PITPNM3: variants seen among roughly 807,000 people sequenced by gnomAD.
PITPNM3 encodes PITPNM family member 3.
In PITPNM3, 26 loss-of-function variants were observed where a neutral mutation model predicts 102.0. The ratio of observed to expected loss-of-function variants is 0.25; its 90% confidence interval spans 0.19 to 0.35. The LOEUF is 0.35. Ranked by LOEUF, PITPNM3 falls within the 10% of genes least tolerant of loss-of-function variation. The pLI, the probability that PITPNM3 is intolerant of heterozygous loss-of-function variation, is 1.00. For missense variants in PITPNM3, 1,083 were observed against 1,346.1 expected, an observed-to-expected ratio of 0.80 and a Z score of 3.06; for synonymous variants, 578 against 558.6, an observed-to-expected ratio of 1.03 and a Z score of -0.49.
rs1278597194 is a variant in PITPNM3, at chr17:6,470,046, C to T, written c.1773+214G>A. On this transcript the variant is annotated intron_variant, in intron 13 of 19. Coordinates refer to ENST00000262483, the MANE Select transcript of PITPNM3 (RefSeq NM_031220.4). This position sits in a 1 kb window ranked among gnomAD's most constrained non-coding sequence, Gnocchi z 4.8. ...ATTTAATTTTCTAGAGTGTACCATG[C>T]CGTCAGCCACCCAGGAGCCAATGTC... 6.6e-6 allele frequency among the ~76,000 whole-genome samples: 1 copy of T among 152,252 alleles called. No individual in the cohort carries two copies. Among genetic ancestry groups the T allele is most frequent in the Non-Finnish European group, 1.5e-5 (1 of 68,046 alleles).
In PITPNM3 at chr17:6,478,634, C is replaced by G. The variant is rs1162417787; in HGVS notation, c.690G>C (p.Gln230His). 6.2e-7 allele frequency: 1 copy of G among 1,614,026 alleles called. No individual in the cohort carries two copies. The highest frequency in any genetic ancestry group is 8.5e-7 in the Non-Finnish European group (1 of 1,179,998). The change falls in exon 7 of 20, where the codon CAG becomes CAC. Residue 230 changes from glutamine to histidine, a missense_variant. Coordinates refer to ENST00000262483, the MANE Select transcript of PITPNM3 (RefSeq NM_031220.4). The surrounding 1 kb of genome is among the most constrained non-coding windows in gnomAD (Gnocchi z 4.4). ...GCTCGATGACGGTGGCGACAGCATCCTGGTACTGCGGGGAGGAGATGGCCA... is the reference window on the plus strand; with the variant it reads ...GCTCGATGACGGTGGCGACAGCATCGTGGTACTGCGGGGAGGAGATGGCCA... ...PLLAISSPQYQDAVATVIERA... is the reference protein window; with the variant it reads ...PLLAISSPQYHDAVATVIERA...
intron 9 of PITPNM3, among the ~76,000 whole-genome samples, chr17:6,475,473 T>C (rs1161529658): frequency 3.3e-5 from 5 of 152,180 alleles, no homozygotes; most frequent in Non-Finnish European, 5.9e-5. Flanking sequence ...GAACAAACTT[T>C]AGAAAGAGCT....
At chr17:6,522,766 T>C (rs1158724698) in intron 3 of PITPNM3, among the ~76,000 whole-genome samples, 1 of 152,272 alleles carries the variant, frequency 6.6e-6, no homozygotes, top group Non-Finnish European at 1.5e-5. Flanking sequence ...TTCACGGATC[T>C]TCCTTTCCCC....
Position 6,556,269 on chromosome 17 carries a change from C to A in PITPNM3, c.22+116G>T. 1 of 876,322 alleles carries A rather than the reference C, an allele frequency of 1.1e-6. No individual in the cohort carries two copies. Among genetic ancestry groups the A allele is most frequent in the Non-Finnish European group, 1.6e-6 (1 of 642,250 alleles). The allele number at this position is 876,322 out of a possible 1,614,324, so 54.3% of individuals were successfully genotyped here. A position where few individuals can be genotyped will look rare whatever the true frequency, so the allele number is the denominator to read the frequency against. On this transcript the variant is annotated intron_variant, in intron 1 of 19. Coordinates refer to ENST00000262483, the MANE Select transcript of PITPNM3 (RefSeq NM_031220.4). This position sits in a 1 kb window ranked among gnomAD's most constrained non-coding sequence, Gnocchi z 5.2. ...CAGCCCCGCTACCGCCCCCTACGCC[C>A]TCCCGGGACCTCCGCCCACCTGCGC...
In PITPNM3 at chr17:6,457,016, C is replaced by T. The variant is rs1173092444; in HGVS notation, c.2619+578G>A. ...CTGAATCACACACCTGCTCATCCCA[C>T]ACCCTCTCAGAGTCCCCACACAGGC... is the stretch of plus-strand genomic sequence containing the variant. On this transcript the variant is annotated intron_variant, in intron 19 of 19. Transcript: ENST00000262483. The surrounding 1 kb of genome is among the most constrained non-coding windows in gnomAD (Gnocchi z 4.7). Among the ~76,000 whole-genome samples the T allele has an allele frequency of 1.3e-5, 2 of 152,190 alleles. No individual in the cohort carries two copies. Among genetic ancestry groups the T allele is most frequent in the Non-Finnish European group, 2.9e-5 (2 of 68,024 alleles).
In PITPNM3 at chr17:6,490,721, T is replaced by C. The variant is rs62062887; in HGVS notation, c.275-6429A>G. 7.0e-3 allele frequency among the ~76,000 whole-genome samples: 1,059 copies of C among 151,452 alleles called. 4 individuals are homozygous for C. The highest frequency in any genetic ancestry group is 0.013 in the Non-Finnish European group (875 of 67,874). ...CTATAATCCCAGTACTTTGGGAGGC[T>C]GAGGTGGGCAGATCAGTTGAGCTCA... On this transcript the variant is annotated intron_variant, in intron 4 of 19. Coordinates refer to ENST00000262483, the MANE Select transcript of PITPNM3 (RefSeq NM_031220.4).
chr17:6,496,130 T>C (rs1317935061), intron 4 of PITPNM3, among the ~76,000 whole-genome samples: 1 of 152,136 alleles, frequency 6.6e-6, no homozygotes. Flanking sequence ...TGATGCCTTC[T>C]TGGTTTCCTT....
In PITPNM3 at chr17:6,470,373, A is replaced by G. The variant is rs1905007467; in HGVS notation, c.1660T>C (p.Tyr554His). The change falls in exon 13 of 20, where the codon TAT becomes CAT. Residue 554 changes from tyrosine to histidine, a missense_variant. By Grantham distance (83) the Tyr-to-His change is moderately conservative (BLOSUM62 2). Around this residue, in one of 5 missense-constraint regions of PITPNM3, gnomAD observed 410 missense variants for 638.4 expected, o/e 0.64. Transcript: ENST00000262483. The surrounding 1 kb of genome is among the most constrained non-coding windows in gnomAD (Gnocchi z 4.8). ...AGGACATCAGGGCAGTACAGGGCAT[A>G]GTCGATCCTCTTGCTTCCCCACCAC... is the stretch of plus-strand genomic sequence containing the variant. ...AKWWGSKRIDYALYCPDVLTA... is the reference protein window; with the variant it reads ...AKWWGSKRIDHALYCPDVLTA... 1 of 1,614,194 alleles carries G rather than the reference A, an allele frequency of 6.2e-7. No homozygotes were observed. Among genetic ancestry groups the G allele is most frequent in the Non-Finnish European group, 8.5e-7 (1 of 1,180,026 alleles).
chr17:6,470,091 G>A lies in PITPNM3; in HGVS notation c.1773+169C>T, dbSNP rs1378761708. The stretch of plus-strand genomic sequence containing the variant: ...AATGTCTTTATGAAGCCCATTCTCT[G>A]GTCATGTCACTCCCCACTCACGTAG... On this transcript the variant is annotated intron_variant, in intron 13 of 19. Coordinates refer to ENST00000262483, the MANE Select transcript of PITPNM3 (RefSeq NM_031220.4). The surrounding 1 kb of genome is among the most constrained non-coding windows in gnomAD (Gnocchi z 4.8). 6.6e-6 allele frequency among the ~76,000 whole-genome samples: 1 copy of A among 152,176 alleles called. No homozygotes were observed. Among genetic ancestry groups the A allele is most frequent in the Non-Finnish European group, 1.5e-5 (1 of 68,034 alleles).
chr17:6,456,182 C>T (rs529529299), intron 19 of PITPNM3, among the ~76,000 whole-genome samples: 1 of 152,162 alleles, frequency 6.6e-6, no homozygotes, highest in South Asian at 2.1e-4. Context: ...TGCCACCATG[C>T]CCAGCTCATT....
chr17:6,457,309 G>T lies in PITPNM3; in HGVS notation c.2619+285C>A, dbSNP rs558595010. Among the ~76,000 whole-genome samples, 1 of 152,118 alleles carries T rather than the reference G, an allele frequency of 6.6e-6. No individual in the cohort carries two copies. Among genetic ancestry groups the T allele is most frequent in the Non-Finnish European group, 1.5e-5 (1 of 68,032 alleles). ...GGGCCCCACAGTTCCCTGTGCTCCC[G>T]TCATACATCATGGCACTTGTTACAC... On this transcript the variant is annotated intron_variant, in intron 19 of 19. Coordinates refer to ENST00000262483, the MANE Select transcript of PITPNM3 (RefSeq NM_031220.4). The surrounding 1 kb of genome is among the most constrained non-coding windows in gnomAD (Gnocchi z 4.7).
rs770182528 is a variant in PITPNM3, at chr17:6,478,121, G to A, written c.778-24C>T. 3.1e-6 allele frequency: 5 copies of A among 1,612,076 alleles called. No individual in the cohort carries two copies. The South Asian group carries it at 4.4e-5, about 14-fold the overall frequency. On this transcript the variant is annotated intron_variant, in intron 7 of 19. Transcript: ENST00000262483. The surrounding 1 kb of genome is among the most constrained non-coding windows in gnomAD (Gnocchi z 4.4). ...ACCTGGAAGAGATGCAGCTGGGACT[G>A]CAGGCCTGCCCACTGCTGACCCCTC...
rs751095976 is a variant in PITPNM3, at chr17:6,525,399, G to A, written c.183C>T (p.Leu61=). The A allele has an allele frequency of 6.8e-6, 11 of 1,614,180 alleles. No individual in the cohort carries two copies. The highest frequency in any genetic ancestry group is 3.3e-5 in the Admixed American group (2 of 60,024). ...IGMSQWNSND[L]VEQIETMGKL... is the part of the protein sequence containing the mutation. The stretch of plus-strand genomic sequence containing the variant: ...TCCCCATGGTCTCGATCTGCTCCAC[G>A]AGGTCATTGGAGTTCCACTGGCTCA... Residue 61 remains leucine (L), a synonymous_variant, in exon 3 of 20, where the codon CTC becomes CTT. Coordinates refer to ENST00000262483, the MANE Select transcript of PITPNM3 (RefSeq NM_031220.4).
rs922644713 is a variant in PITPNM3 at position 6,458,710 on chromosome 17, C to T, written c.2491-988G>A. Among the ~76,000 whole-genome samples the T allele has an allele frequency of 3.3e-5, 5 of 152,156 alleles. No individual in the cohort carries two copies. The highest frequency in any genetic ancestry group is 7.4e-5 in the Non-Finnish European group (5 of 68,026). ...ACCAGCCCTGCTGCCTCGCCCCTTCCTCATCCTGCCTGAGTGACCCATGGC... is the reference window on the plus strand; with the variant it reads ...ACCAGCCCTGCTGCCTCGCCCCTTCTTCATCCTGCCTGAGTGACCCATGGC... On this transcript the variant is annotated intron_variant, in intron 18 of 19. Transcript: ENST00000262483. The surrounding 1 kb of genome is among the most constrained non-coding windows in gnomAD (Gnocchi z 5.1).
intron 4 of PITPNM3, among the ~76,000 whole-genome samples, chr17:6,502,468 A>AG (rs1198530597): frequency 6.6e-6 from 1 of 152,140 alleles, no homozygotes; most frequent in Non-Finnish European, 1.5e-5. Flanking sequence ...GAAAAAAAAA[A>AG]GAGAAAGATT....
Position 6,458,174 on chromosome 17 carries a change from C to A in PITPNM3, c.2491-452G>T, listed in dbSNP as rs1914187221. Among the ~76,000 whole-genome samples, 1 of 152,088 alleles carries A rather than the reference C, an allele frequency of 6.6e-6. No homozygotes were observed. The highest frequency in any genetic ancestry group is 1.5e-5 in the Non-Finnish European group (1 of 68,006). ...ACTGGCTGGTGTGATGACCGCCCCC[C>A]TCCCCAACCCCAGAATCCCCAATTC... On this transcript the variant is annotated intron_variant, in intron 18 of 19. Transcript: ENST00000262483. This position sits in a 1 kb window ranked among gnomAD's most constrained non-coding sequence, Gnocchi z 5.1.
chr17:6,463,422 G>GGAGGCAGGGAGGGAAGGAGA (rs1904578988), intron 17 of PITPNM3, among the ~76,000 whole-genome samples: 2 of 151,930 alleles, frequency 1.3e-5, no homozygotes, highest in Admixed American at 6.6e-5. Flanking sequence ...GTGCAGGGAG[G>GGAGGCAGGGAGGGAAGGAGA]GAGGCAGGGA....
rs11654099 is a variant in PITPNM3, at chr17:6,461,433, A to T, written c.2430T>A (p.Asp810Glu). 6.2e-7 allele frequency: 1 copy of T among 1,614,124 alleles called. No individual in the cohort carries two copies. ...GCCGCAGCGGGTCATGCACCAGCCC[A>T]TCGGAGAAGAAGATCATGCCCTGTG... ...NFPQGMIFFS[D>E]GLVHDPLRQK... Residue 810 changes from aspartate to glutamate, a missense_variant, in exon 18 of 20, where the codon GAT (aspartate) becomes GAA (glutamate). Asp to Glu is a conservative substitution (Grantham distance 45, BLOSUM62 2). Coordinates refer to ENST00000262483, the MANE Select transcript of PITPNM3 (RefSeq NM_031220.4).
intron 3 of PITPNM3, among the ~76,000 whole-genome samples, chr17:6,506,482 C>T (rs1302362630): frequency 4.6e-5 from 7 of 151,920 alleles, no homozygotes; most frequent in African/African-American, 1.5e-4. Context: ...AGCGATTCTC[C>T]TGCCTCAGCC....
Sources: gnomAD v4.1 joint callset for allele counts (sites outside exome capture counted in the v4.1 genomes callset) on GRCh38, gnomAD v4.1.1 for gene constraint, gnomAD v4.1.1 regional missense constraint, Gnocchi (gnomAD v3.1) non-coding constraint, MANE v1.5 for transcripts, NCBI Gene and HGNC (gene_info 2026-07-23, HGNC 2026-07-21) for gene names.